The following OR2C1 variants were observed in gnomAD, a reference collection of about 807,000 sequenced individuals.
OR2C1 encodes the protein olfactory receptor family 2 subfamily C member 1.
For synonymous variants in OR2C1, 209 were observed against 167.3 expected, an observed-to-expected ratio of 1.25 and a Z score of -1.92; for missense variants, 468 against 388.3, an observed-to-expected ratio of 1.21 and a Z score of -1.73.
chr16:3,324,672 C>T, the OR2C1 span, among the ~76,000 whole-genome samples: 68 of 152,148 alleles, frequency 4.5e-4, no homozygotes, highest in African/African-American at 5.1e-4. Context: ...AGGCTGGCCT[C>T]GAACTCCTGG....
At position 3,356,263 on chromosome 16, in the gene OR2C1, G is replaced by A; in HGVS notation, c.323G>A (p.Gly108Glu). The change falls in exon 1 of 1, where the codon GGG (glycine) becomes GAG (glutamate). Residue 108 changes from glycine (G) to glutamate (E), a missense_variant. Physicochemically the swap from Gly to Glu is moderately conservative, Grantham distance 98 (BLOSUM62 -2). Transcript: ENST00000304936. Reference sequence around the variant, plus strand: ...CAGCTCTATGTCTTCCTTTGGCTGGGGGCCACCGAGTGCATCCTGCTGGTG... The same window carrying A: ...CAGCTCTATGTCTTCCTTTGGCTGGAGGCCACCGAGTGCATCCTGCTGGTG... ...ITQLYVFLWL[G>E]ATECILLVVM... 6.2e-7 allele frequency: 1 copy of A among 1,613,928 alleles called. No homozygotes were observed. The highest frequency in any genetic ancestry group is 8.5e-7 in the Non-Finnish European group (1 of 1,180,034).
the OR2C1 span, chr16:3,323,176 G>T: frequency 1.6e-6 from 1 of 621,708 alleles, no homozygotes; most frequent in Non-Finnish European, 2.8e-6. Flanking sequence ...CTGCAGTTTG[G>T]CACCTGGGTC....
the OR2C1 span, among the ~76,000 whole-genome samples, chr16:3,345,497 A>AAAG: frequency 3.2e-5 from 4 of 124,552 alleles, no homozygotes; most frequent in Non-Finnish European, 7.0e-5. Flanking sequence ...AAAAAAAAAA[A>AAAG]AAGTAAGAAA....
the OR2C1 span, among the ~76,000 whole-genome samples, chr16:3,326,117 G>C: frequency 1.7e-4 from 26 of 151,910 alleles, no homozygotes; most frequent in Middle Eastern, 3.4e-3. Context: ...TTTTAGTAGA[G>C]ACAGGGTTTC....
chr16:3,340,444 T>C, the OR2C1 span, among the ~76,000 whole-genome samples: 2 of 152,244 alleles, frequency 1.3e-5, no homozygotes, highest in South Asian at 2.1e-4. Flanking sequence ...TGCCCTATGA[T>C]ACACAATGGT....
At chr16:3,354,522 A>G (rs1033059487), upstream of OR2C1, among the ~76,000 whole-genome samples, 1 of 152,188 alleles carries the variant, frequency 6.6e-6, no homozygotes, top group Admixed American at 6.5e-5. Context: ...TAAATTGTAC[A>G]TTCCCAGCTT....
chr16:3,343,589 T>C, the OR2C1 span, among the ~76,000 whole-genome samples: 1 of 152,034 alleles, frequency 6.6e-6, no homozygotes, highest in Non-Finnish European at 1.5e-5. Flanking sequence ...CCGTCTCTAC[T>C]AAAAATACAA....
the OR2C1 span, among the ~76,000 whole-genome samples, chr16:3,329,193 C>CACACACA: frequency 6.6e-6 from 1 of 150,822 alleles, no homozygotes; most frequent in East Asian, 2.0e-4. Flanking sequence ...CACACACACA[C>CACACACA]ACACACACAC....
the OR2C1 span, among the ~76,000 whole-genome samples, chr16:3,349,795 G>T: frequency 6.6e-6 from 1 of 151,850 alleles, no homozygotes; most frequent in Non-Finnish European, 1.5e-5. Flanking sequence ...CCAGCTACTA[G>T]GGAGGCAGAG....
chr16:3,323,444 T>C, the OR2C1 span: 37 of 746,604 alleles, frequency 5.0e-5, no homozygotes, highest in African/African-American at 2.6e-4. Context: ...GGTGTTCTTA[T>C]TGACCTTGGC....
At chr16:3,323,992 A>G in the OR2C1 span, 4 of 491,450 alleles carry the variant, frequency 8.1e-6, no homozygotes, top group African/African-American at 2.0e-5. Flanking sequence ...TACTTCCAAC[A>G]TAATTTTCAC....
At chr16:3,344,863 C>G in the OR2C1 span, among the ~76,000 whole-genome samples, 1 of 152,060 alleles carries the variant, frequency 6.6e-6, no homozygotes, top group Non-Finnish European at 1.5e-5. Context: ...CTGGGTATAT[C>G]TCTATTATTC....
the OR2C1 span, among the ~76,000 whole-genome samples, chr16:3,333,987 T>C: frequency 7.3e-5 from 11 of 151,030 alleles, no homozygotes; most frequent in Admixed American, 5.3e-4. Flanking sequence ...TTTGGGGTGG[T>C]GGGGGGACAG....
the OR2C1 span, among the ~76,000 whole-genome samples, chr16:3,346,479 C>G: frequency 6.6e-6 from 1 of 152,038 alleles, no homozygotes; most frequent in Admixed American, 6.6e-5. Context: ...AGTGGGCCAC[C>G]CAGTGTTCCA....
the OR2C1 span, among the ~76,000 whole-genome samples, chr16:3,349,509 C>T: frequency 2.0e-5 from 3 of 152,268 alleles, no homozygotes; most frequent in East Asian, 3.9e-4. Context: ...GCCTCCCTCT[C>T]GGTCCCATGC....
At chr16:3,339,998 G>C in the OR2C1 span, among the ~76,000 whole-genome samples, 1 of 152,060 alleles carries the variant, frequency 6.6e-6, no homozygotes, top group African/African-American at 2.4e-5. Context: ...ATGAGTTGTG[G>C]CTGGGTGCAG....
the OR2C1 span, among the ~76,000 whole-genome samples, chr16:3,340,404 C>A: frequency 1.4e-3 from 209 of 152,212 alleles, no homozygotes; most frequent in African/African-American, 4.3e-3. Context: ...TTTTCTCTAC[C>A]TCTATAGATT....
the OR2C1 span, among the ~76,000 whole-genome samples, chr16:3,347,148 G>A: frequency 5.9e-3 from 892 of 150,162 alleles, 14 homozygotes; most frequent in African/African-American, 0.02. Flanking sequence ...TCAGGAGGCT[G>A]AGGCAGGTGA....
chr16:3,337,756 T>C, the OR2C1 span, among the ~76,000 whole-genome samples: 6 of 152,182 alleles, frequency 3.9e-5, no homozygotes, highest in African/African-American at 1.4e-4. Flanking sequence ...CCTGGTCCCA[T>C]CCTTTGTTCA....
Sources: allele counts gnomAD v4.1 joint callset (sites outside exome capture counted in the v4.1 genomes callset), GRCh38; gene constraint gnomAD v4.1.1; transcripts MANE v1.5; gene names NCBI Gene and HGNC (gene_info 2026-07-23, HGNC 2026-07-21).